The following OR51B5 variants were observed in gnomAD, a reference collection of about 807,000 sequenced individuals.
OR51B5 encodes the protein olfactory receptor family 51 subfamily B member 5, also known as olfactory receptor 51B5.
For synonymous variants in OR51B5, 186 were observed against 144.8 expected (o/e 1.28, Z -2.04); for missense variants, 456 against 374.6 (o/e 1.22, Z -1.79).
chr11:5,451,414 G>C (rs181938496), intron 1 of OR51B5, among the ~76,000 whole-genome samples: 1 of 152,336 alleles, frequency 6.6e-6, no homozygotes, highest in East Asian at 1.9e-4. Flanking sequence ...TGAAGAATGA[G>C]AGTGTAGTCA....
chr11:5,462,398 G>C (rs774714159), intron 1 of OR51B5, among the ~76,000 whole-genome samples: 2 of 152,166 alleles, frequency 1.3e-5, no homozygotes, highest in Non-Finnish European at 2.9e-5. Flanking sequence ...AGGAGAACTT[G>C]GTAGAAGAGT....
At chr11:5,402,940 C>G (rs2647582) in intron 1 of OR51B5, 2 of 471,182 alleles carry the variant, frequency 4.2e-6, no homozygotes, top group Non-Finnish European at 4.4e-6. Flanking sequence ...CATGATGGAG[C>G]CAGCTGTGCT....
At chr11:5,407,952 G>T (rs909394968) in intron 1 of OR51B5, among the ~76,000 whole-genome samples, 2 of 151,926 alleles carry the variant, frequency 1.3e-5, no homozygotes, top group African/African-American at 4.8e-5. Context: ...CAAAAGATTT[G>T]AGAGAATATA....
chr11:5,400,747 T>A (rs2133740192), intron 1 of OR51B5, among the ~76,000 whole-genome samples: 1 of 152,340 alleles, frequency 6.6e-6, no homozygotes, highest in African/African-American at 2.4e-5. Flanking sequence ...AGAGATTTTC[T>A]GAGTAGGTCT....
chr11:5,505,266 C>T (rs1209503544), intron 1 of OR51B5: 9 of 1,262,944 alleles, frequency 7.1e-6, no homozygotes, highest in Admixed American at 5.6e-5. Flanking sequence ...TGTTTTTTTC[C>T]TCAGACCTAT....
intron 1 of OR51B5, among the ~76,000 whole-genome samples, chr11:5,470,603 T>C (rs1247084538): frequency 1.3e-5 from 2 of 152,332 alleles, no homozygotes; most frequent in African/African-American, 4.8e-5. Context: ...TTAAACATAA[T>C]GTGCAAAATT....
chr11:5,380,294 G>A (rs1444904505), intron 1 of OR51B5, among the ~76,000 whole-genome samples: 6 of 152,168 alleles, frequency 3.9e-5, no homozygotes, highest in Non-Finnish European at 7.3e-5. Flanking sequence ...GGGAGGCAGG[G>A]GGATGGACAA....
At chr11:5,473,565 G>A (rs992961260) in intron 1 of OR51B5, among the ~76,000 whole-genome samples, 3 of 152,170 alleles carry the variant, frequency 2.0e-5, no homozygotes, top group Non-Finnish European at 4.4e-5. Context: ...AAGTATCTGT[G>A]ATTCTGCTAG....
At chr11:5,349,808 T>G (rs1402757841) in intron 1 of OR51B5, among the ~76,000 whole-genome samples, 1 of 152,082 alleles carries the variant, frequency 6.6e-6, no homozygotes, top group Non-Finnish European at 1.5e-5. Flanking sequence ...CTTCCCTCAG[T>G]CCCAATGCCC....
At chr11:5,362,826 C>G in intron 1 of OR51B5, 1 of 215,274 alleles carries the variant, frequency 4.6e-6, no homozygotes, top group Non-Finnish European at 9.7e-6. Context: ...CTTCCTGATG[C>G]TCTGGGTTGG....
At chr11:5,373,333 AG>A (rs555205216) in intron 1 of OR51B5, among the ~76,000 whole-genome samples, 5 of 152,190 alleles carry the variant, frequency 3.3e-5, no homozygotes, top group Non-Finnish European at 7.3e-5. Context: ...TCACAAATAA[AG>A]TTCCAGTTTT....
At chr11:5,418,215 T>G (rs1225775404) in intron 1 of OR51B5, among the ~76,000 whole-genome samples, 1 of 151,378 alleles carries the variant, frequency 6.6e-6, no homozygotes, top group African/African-American at 2.4e-5. Flanking sequence ...TGAGAACACA[T>G]GGACACAGGA....
At chr11:5,365,838 A>G (rs1475276738) in intron 1 of OR51B5, among the ~76,000 whole-genome samples, 2 of 152,168 alleles carry the variant, frequency 1.3e-5, no homozygotes, top group African/African-American at 2.4e-5. Context: ...TGCTGGCTTG[A>G]TGACAGGATG....
At chr11:5,344,813 C>CTTG (rs1848964984), upstream of OR51B5, among the ~76,000 whole-genome samples, 1 of 152,062 alleles carries the variant, frequency 6.6e-6, no homozygotes, top group Non-Finnish European at 1.5e-5. Flanking sequence ...ATAAATAAGA[C>CTTG]AATTTTAAAC....
intron 1 of OR51B5, among the ~76,000 whole-genome samples, chr11:5,395,470 G>C (rs1252401044): frequency 4.6e-5 from 7 of 152,124 alleles, no homozygotes; most frequent in African/African-American, 1.7e-4. Context: ...TGGCCAATCT[G>C]TTGTTAGGGC....
intron 1 of OR51B5, chr11:5,352,403 G>A (rs1423809062): frequency 6.2e-7 from 1 of 1,611,822 alleles, no homozygotes; most frequent in African/African-American, 1.3e-5. Context: ...CAGATTCAGA[G>A]TGGCATACTT....
chr11:5,441,071 C>G (rs760799492), intron 1 of OR51B5: 12 of 1,613,830 alleles, frequency 7.4e-6, no homozygotes, highest in Non-Finnish European at 5.9e-6. Flanking sequence ...TAAGGATGCC[C>G]AGACCCATAG....
intron 1 of OR51B5, among the ~76,000 whole-genome samples, chr11:5,424,981 CAA>C (rs373245242): frequency 3.6e-5 from 3 of 84,456 alleles, no homozygotes. Context: ...GACTCCGCCT[CAA>C]AAAAAAAAAA....
chr11:5,403,008 T>C lies in OR51B5; in HGVS notation n.85-56098A>G, dbSNP rs572777708. 233 of 471,538 alleles carry C rather than the reference T, an allele frequency of 4.9e-4. 5 individuals carry two copies. In the Middle Eastern group the frequency reaches 0.013, roughly 26 times the overall value. The allele number at this position is 471,538 out of a possible 1,614,324, so 29.2% of individuals were successfully genotyped here. On this transcript the variant is annotated intron_variant and non_coding_transcript_variant, in intron 1 of 4. Coordinates refer to the OR51B5 transcript ENST00000415970. ...TCTACAGCCCACTGAGCTACACAGC[T>C]ATCCTGACACTGCCCAGGGTCTTTG... is the stretch of plus-strand genomic sequence containing the variant.
Sources: allele counts gnomAD v4.1 joint callset (sites outside exome capture counted in the v4.1 genomes callset), GRCh38; gene constraint gnomAD v4.1.1; transcripts MANE v1.5; gene names NCBI Gene and HGNC (gene_info 2026-07-23, HGNC 2026-07-21).